The following ADGRB3 variants were observed in gnomAD, a reference collection of about 807,000 sequenced individuals.
ADGRB3 encodes the protein brain-specific angiogenesis inhibitor 3.
ADGRB3 carries 37 observed loss-of-function variants against 193.4 expected under a neutral mutation model. That is an observed-to-expected ratio of 0.19 (90% CI 0.15 to 0.25). The LOEUF is 0.25. Ranked by LOEUF, ADGRB3 falls within the 10% of genes least tolerant of loss-of-function variation. The pLI is 1.00. For missense variants in ADGRB3, 1,637 were observed against 1,852.9 expected (o/e 0.88, Z 2.14); for synonymous variants, 690 against 644.2 (o/e 1.07, Z -1.08).
At chr6:68,648,378 G>A (rs1768265422) in intron 3 of ADGRB3, among the ~76,000 whole-genome samples, 1 of 151,596 alleles carries the variant, frequency 6.6e-6, no homozygotes, top group Non-Finnish European at 1.5e-5. Context: ...CATGTAAAAT[G>A]AAATAATTTA....
At chr6:68,895,688 A>G (rs977140841) in intron 3 of ADGRB3, among the ~76,000 whole-genome samples, 1 of 152,042 alleles carries the variant, frequency 6.6e-6, no homozygotes, top group Non-Finnish European at 1.5e-5. Context: ...CTGATGAGCA[A>G]AATCACCAAA....
At chr6:68,909,141 C>T (rs1766629102) in intron 3 of ADGRB3, among the ~76,000 whole-genome samples, 1 of 152,090 alleles carries the variant, frequency 6.6e-6, no homozygotes, top group Non-Finnish European at 1.5e-5. Context: ...CTCAAGAAAA[C>T]CAAATAACAT....
At chr6:69,070,098 T>C (rs1489504167) in intron 16 of ADGRB3, among the ~76,000 whole-genome samples, 2 of 152,136 alleles carry the variant, frequency 1.3e-5, no homozygotes, top group Non-Finnish European at 2.9e-5. Flanking sequence ...ACTGGAAATG[T>C]TCAAATAATT....
intron 17 of ADGRB3, among the ~76,000 whole-genome samples, chr6:69,145,867 G>A (rs977876463): frequency 2.6e-5 from 4 of 151,972 alleles, no homozygotes; most frequent in Non-Finnish European, 4.4e-5. Context: ...TGTTCATCCC[G>A]ACCTCTCTTC....
rs566534882 is a variant in ADGRB3 at position 69,206,914 on chromosome 6, T to G, written c.2481-26376T>G. On this transcript the variant is annotated intron_variant, in intron 17 of 31. Coordinates refer to ENST00000370598, the MANE Select transcript of ADGRB3 (RefSeq NM_001704.3). ...GAAGGGTCTGGGTCATTTGTAGTCC[T>G]GGATTGGGCTTTTGTAGTTTTCTAT... Among the ~76,000 whole-genome samples the G allele has an allele frequency of 2.0e-5, 3 of 152,342 alleles. No individual in the cohort carries two copies. In the South Asian group the frequency reaches 6.2e-4, roughly 32 times the overall value.
intron 13 of ADGRB3, among the ~76,000 whole-genome samples, chr6:69,038,831 G>T (rs74802157): frequency 0.06 from 9,122 of 152,142 alleles, 281 homozygotes; most frequent in African/African-American, 0.079. Context: ...CCTGTTCAAG[G>T]TTCAGTAGTT....
intron 13 of ADGRB3, among the ~76,000 whole-genome samples, chr6:69,029,103 C>T (rs1441549315): frequency 1.3e-5 from 2 of 152,098 alleles, no homozygotes; most frequent in African/African-American, 4.8e-5. Flanking sequence ...TCTTGCTCAG[C>T]CAACCACATT....
At chr6:69,201,550 T>G (rs1283470546) in intron 17 of ADGRB3, among the ~76,000 whole-genome samples, 3 of 152,092 alleles carry the variant, frequency 2.0e-5, no homozygotes, top group East Asian at 1.9e-4. Flanking sequence ...TTCTGGGTTT[T>G]GCTTCATTCT....
intron 20 of ADGRB3, among the ~76,000 whole-genome samples, chr6:69,275,408 T>C (rs972147868): frequency 5.9e-5 from 9 of 152,118 alleles, no homozygotes; most frequent in African/African-American, 2.2e-4. Context: ...AATGTTACAG[T>C]ATTAGCAACT....
chr6:69,144,315 ATTTAG>A (rs1231517104), intron 17 of ADGRB3, among the ~76,000 whole-genome samples: 2 of 152,134 alleles, frequency 1.3e-5, no homozygotes, highest in African/African-American at 4.8e-5. Context: ...TTCATGGAGT[ATTTAG>A]TTTTTCCCAA....
rs1278516514 is a variant in ADGRB3 at position 68,716,508 on chromosome 6, C to T, written c.757+77076C>T. Among the ~76,000 whole-genome samples the T allele has an allele frequency of 2.0e-5, 3 of 150,966 alleles. No homozygotes were observed. The East Asian group carries it at 5.8e-4, about 29-fold the overall frequency. ...TTTGGACCCGCTAAAATTTGCATCA[C>T]AGCTCATTTTTTTTTTTTTTCCTAG... On this transcript the variant is annotated intron_variant, in intron 3 of 31. Transcript: ENST00000370598.
At chr6:69,196,054 A>T (rs1040013611) in intron 17 of ADGRB3, among the ~76,000 whole-genome samples, 1 of 152,096 alleles carries the variant, frequency 6.6e-6, no homozygotes, top group Non-Finnish European at 1.5e-5. Context: ...TTTAAATGTG[A>T]GACTCCTGGA....
rs7453663 is a variant in ADGRB3, at chr6:68,772,950, T to G, written c.757+133518T>G. On this transcript the variant is annotated intron_variant, in intron 3 of 31. Transcript: ENST00000370598. ...ATATATATACATACACACACAAAAA[T>G]AAAAAATAAAAATAAAATAGACAGG... is the stretch of plus-strand genomic sequence containing the variant. 4.4e-4 allele frequency among the ~76,000 whole-genome samples: 7 copies of G among 15,938 alleles called. 1 individual carries two copies. The East Asian group carries it at 0.037, about 83-fold the overall frequency. The allele number at this position is 15,938 out of a possible 152,430, so 10.5% of individuals were successfully genotyped here. A position where few individuals can be genotyped will look rare whatever the true frequency, so the allele number is the denominator to read the frequency against.
intron 3 of ADGRB3, among the ~76,000 whole-genome samples, chr6:68,749,177 G>A (rs988392771): frequency 1.3e-5 from 2 of 152,144 alleles, no homozygotes; most frequent in African/African-American, 4.8e-5. Flanking sequence ...CTGTGGTCCT[G>A]GGAATTAACA....
At chr6:68,660,767 A>G (rs1472998745) in intron 3 of ADGRB3, among the ~76,000 whole-genome samples, 2 of 151,110 alleles carry the variant, frequency 1.3e-5, no homozygotes, top group Non-Finnish European at 3.0e-5. Flanking sequence ...CCAATTTTTA[A>G]GATCTTATCA....
chr6:69,350,783 A>T (rs1769204720), intron 26 of ADGRB3, among the ~76,000 whole-genome samples: 2 of 151,592 alleles, frequency 1.3e-5, no homozygotes, highest in Non-Finnish European at 2.9e-5. Flanking sequence ...TATTTTTTTT[A>T]TTTTTTGCGT....
At chr6:69,124,335 C>T (rs1331626996) in intron 17 of ADGRB3, among the ~76,000 whole-genome samples, 1 of 152,042 alleles carries the variant, frequency 6.6e-6, no homozygotes, top group East Asian at 1.9e-4. Context: ...GATGGGATTT[C>T]TCTATTTCCC....
At chr6:69,282,573 G>A (rs1173420588) in intron 20 of ADGRB3, among the ~76,000 whole-genome samples, 1 of 152,110 alleles carries the variant, frequency 6.6e-6, no homozygotes, top group Non-Finnish European at 1.5e-5. Flanking sequence ...AAGTTATAAG[G>A]AGTTTGTTGT....
At chr6:69,186,862 T>C (rs561904809) in intron 17 of ADGRB3, among the ~76,000 whole-genome samples, 2 of 151,956 alleles carry the variant, frequency 1.3e-5, no homozygotes, top group South Asian at 4.2e-4. Flanking sequence ...TTACCAGTGC[T>C]TGGGCCTGGT....
Sources: gnomAD v4.1 joint callset for allele counts (sites outside exome capture counted in the v4.1 genomes callset) on GRCh38, gnomAD v4.1.1 for gene constraint, MANE v1.5 for transcripts, NCBI Gene and HGNC (gene_info 2026-07-23, HGNC 2026-07-21) for gene names.